CSMD1: variants seen among roughly 807,000 people sequenced by gnomAD.
The protein encoded by CSMD1 is CUB and Sushi multiple domains 1.
CSMD1 carries 213 observed loss-of-function variants against 417.5 expected under a neutral mutation model. That is an observed-to-expected ratio of 0.51 (90% CI 0.46 to 0.57). CSMD1 has a LOEUF of 0.57. Ranked by LOEUF, CSMD1 falls within the 20% of genes least tolerant of loss-of-function variation. The pLI is 0.00. For synonymous variants in CSMD1, 2,862 were observed against 1,736.8 expected (o/e 1.65, Z -16.11); for missense variants, 6,923 against 4,529.7 (o/e 1.53, Z -15.17).
intron 1 of CSMD1, among the ~76,000 whole-genome samples, chr8:4,730,383 G>A (rs1351161917): frequency 6.6e-6 from 1 of 152,150 alleles, no homozygotes; most frequent in South Asian, 2.1e-4. Context: ...AACTAAATTT[G>A]TAAATATGGG....
intron 7 of CSMD1, among the ~76,000 whole-genome samples, chr8:3,635,354 A>T (rs1379147268): frequency 6.6e-6 from 1 of 152,022 alleles, no homozygotes; most frequent in Non-Finnish European, 1.5e-5. Context: ...CACACCTGTA[A>T]TCCCAGCTAC....
intron 7 of CSMD1, among the ~76,000 whole-genome samples, chr8:3,651,561 G>C (rs1430923263): frequency 7.2e-5 from 11 of 152,038 alleles, no homozygotes; most frequent in Admixed American, 6.5e-4. Context: ...TGAGGTCTTG[G>C]CTGGCCACCA....
chr8:3,794,985 C>CTATCATGTATAGCTATAGATATA (rs1563086741), intron 5 of CSMD1, among the ~76,000 whole-genome samples: 6 of 86,106 alleles, frequency 7.0e-5, no homozygotes, highest in South Asian at 3.8e-4. Flanking sequence ...AGATATATAT[C>CTATCATGTATAGCTATAGATATA]TATCTATCAT....
intron 23 of CSMD1, among the ~76,000 whole-genome samples, chr8:3,339,103 G>A (rs1807473459): frequency 6.6e-6 from 1 of 150,680 alleles, no homozygotes; most frequent in Admixed American, 6.7e-5. Context: ...GTTTGTTCTT[G>A]CGATAGTTTA....
chr8:4,032,208 C>G (rs1317218925), intron 3 of CSMD1, 109 bp from the exon 4 acceptor site: 7 of 717,294 alleles, frequency 9.8e-6, no homozygotes, highest in Non-Finnish European at 1.5e-5. Context: ...GAGAAAACCT[C>G]TAGCATCAGA....
chr8:4,333,604 T>TG (rs1799996298), intron 3 of CSMD1, among the ~76,000 whole-genome samples: 1 of 152,210 alleles, frequency 6.6e-6, no homozygotes, highest in Admixed American at 6.6e-5. Context: ...CTGTTGTTAC[T>TG]GATGCAGATA....
intron 3 of CSMD1, among the ~76,000 whole-genome samples, chr8:4,121,350 G>T (rs1304984107): frequency 6.6e-6 from 1 of 151,998 alleles, no homozygotes; most frequent in African/African-American, 2.4e-5. Flanking sequence ...CCTGACCTCA[G>T]ATGATCCACC....
At chr8:3,306,553 T>TATAATAGCATGATG (rs976751566) in intron 25 of CSMD1, among the ~76,000 whole-genome samples, 2 of 152,190 alleles carry the variant, frequency 1.3e-5, no homozygotes, top group African/African-American at 4.8e-5. Context: ...CTTTTGTGGG[T>TATAATAGCATGATG]ATAATAGCAT....
intron 7 of CSMD1, among the ~76,000 whole-genome samples, chr8:3,680,759 C>T (rs1156669368): frequency 6.6e-6 from 1 of 152,154 alleles, no homozygotes; most frequent in Non-Finnish European, 1.5e-5. Flanking sequence ...AGACCAATAT[C>T]CCTGATGAAC....
intron 5 of CSMD1, among the ~76,000 whole-genome samples, chr8:3,967,370 G>T (rs1245168085): frequency 6.6e-6 from 1 of 151,998 alleles, no homozygotes; most frequent in African/African-American, 2.4e-5. Context: ...ACATGGAACT[G>T]CAGGCTCATT....
intron 3 of CSMD1, among the ~76,000 whole-genome samples, chr8:4,281,588 T>C (rs920860869): frequency 1.3e-5 from 2 of 152,226 alleles, no homozygotes; most frequent in Admixed American, 1.3e-4. Flanking sequence ...GTTTTTTGAA[T>C]CTAAGAAGTA....
intron 1 of CSMD1, among the ~76,000 whole-genome samples, chr8:4,689,407 T>C (rs144637403): frequency 1.1e-4 from 16 of 152,338 alleles, no homozygotes; most frequent in African/African-American, 3.8e-4. Flanking sequence ...TGTCTATATG[T>C]TTCATAAGAA....
chr8:4,090,057 A>C (rs1012666656), intron 3 of CSMD1, among the ~76,000 whole-genome samples: 3 of 152,230 alleles, frequency 2.0e-5, no homozygotes, highest in Non-Finnish European at 2.9e-5. Context: ...TAGGACATGT[A>C]AATTTTCGAA....
rs569306029 is a variant in CSMD1 at position 3,529,255 on chromosome 8, G to A, written c.1345-35529C>T. ...AAATGCCAGTAGCTCATATTTCAAT[G>A]CAAGTTCTTTTCCATGATTTTTTTG... is the stretch of plus-strand genomic sequence containing the variant. On this transcript the variant is annotated intron_variant, in intron 10 of 69. Transcript: ENST00000635120. Among the ~76,000 whole-genome samples, 3 of 152,198 alleles carry A rather than the reference G, an allele frequency of 2.0e-5. No homozygotes were observed. In the South Asian group the frequency reaches 6.2e-4, roughly 32 times the overall value.
At chr8:3,609,480 G>A (rs570672914) in intron 8 of CSMD1, among the ~76,000 whole-genome samples, 8 of 152,142 alleles carry the variant, frequency 5.3e-5, no homozygotes, top group South Asian at 2.1e-4. Context: ...TTTTCTTCGG[G>A]TATTTTATAC....
chr8:3,106,562 C>A lies in CSMD1; in HGVS notation c.6915G>T (p.Gln2305His), dbSNP rs1215347952. The A allele has an allele frequency of 1.9e-6, 3 of 1,613,734 alleles. No individual in the cohort carries two copies. Among genetic ancestry groups the A allele is most frequent in the Admixed American group, 3.3e-5 (2 of 59,996 alleles). Residue 2305 changes from glutamine (Q) to histidine (H), a missense_variant, in exon 46 of 70, where the codon CAG (glutamine) becomes CAT (histidine). Gln to His is a conservative substitution (Grantham distance 24, BLOSUM62 0). Transcript: ENST00000635120. ...TTGGGAGAGAACCCTCAAACTGCAA[C>A]TGGGAACTGAGCTTGCAAGTCAGAA... ...TDILTCKLSS[Q>H]LQFEGSLPTC...
At chr8:3,335,723 G>T (rs1039412868) in intron 23 of CSMD1, among the ~76,000 whole-genome samples, 1 of 152,184 alleles carries the variant, frequency 6.6e-6, no homozygotes, top group African/African-American at 2.4e-5. Flanking sequence ...AATGGCTTCT[G>T]TGTATGGAAT....
At chr8:3,452,499 C>T (rs1309057221) in intron 12 of CSMD1, among the ~76,000 whole-genome samples, 2 of 152,252 alleles carry the variant, frequency 1.3e-5, no homozygotes, top group African/African-American at 2.4e-5. Context: ...CCATCAATAC[C>T]TAATTTACTG....
intron 6 of CSMD1, among the ~76,000 whole-genome samples, chr8:3,721,698 T>C (rs1052107670): frequency 2.0e-5 from 3 of 152,146 alleles, no homozygotes; most frequent in African/African-American, 4.8e-5. Context: ...TTTCATTAAA[T>C]AACATGTTAA....
Sources: allele counts gnomAD v4.1 joint callset (sites outside exome capture counted in the v4.1 genomes callset), GRCh38; gene constraint gnomAD v4.1.1; transcripts MANE v1.5; gene names NCBI Gene and HGNC (gene_info 2026-07-23, HGNC 2026-07-21).